The following BTBD9 variants were observed in gnomAD, a reference collection of about 807,000 sequenced individuals.
BTBD9 encodes BTB domain containing 9.
In BTBD9, 49 loss-of-function variants were observed where a neutral mutation model predicts 64.3. That is an observed-to-expected ratio of 0.76 (90% confidence interval 0.61 to 0.97). BTBD9 has a LOEUF of 0.97. Among genes scored for constraint, BTBD9 ranks in the 50% least tolerant of loss-of-function variants. The pLI, the probability that BTBD9 is intolerant of heterozygous loss-of-function variation, is 0.00. For missense variants in BTBD9, 598 were observed against 762.1 expected (o/e 0.78, Z 2.53); for synonymous variants, 260 against 274.7 (o/e 0.95, Z 0.53).
chr6:38,544,655 G>A lies in BTBD9; in HGVS notation c.1154+32945C>T, dbSNP rs151028310. 6.1e-3 allele frequency among the ~76,000 whole-genome samples: 927 copies of A among 152,116 alleles called. 8 individuals carry two copies. The highest frequency in any genetic ancestry group is 0.021 in the African/African-American group (864 of 41,494). On this transcript the variant is annotated intron_variant, in intron 6 of 10. Coordinates refer to ENST00000481247, the MANE Select transcript of BTBD9 (RefSeq NM_001099272.2). ...AGTGATGAGGGTGTGGGCCAGGCTC[G>A]GTGGCTTATGCCTATAATCCCAGCA...
chr6:38,592,834 G>A lies in BTBD9; in HGVS notation c.556C>T (p.Leu186Phe), dbSNP rs1009744637. ...EGFLSLSKTA[L>F]LNIVLRDSFA... ...GAGTCTCTTAACACGATGTTTAAAA[G>A]TGCTGTCTGAAAAGGATAAAAAGGT... is the stretch of plus-strand genomic sequence containing the variant. Residue 186 changes from leucine to phenylalanine, a missense_variant, in exon 4 of 11, where the codon CTT (leucine) becomes TTT (phenylalanine). Coordinates refer to ENST00000481247, the MANE Select transcript of BTBD9 (RefSeq NM_001099272.2). The A allele has an allele frequency of 5.6e-6, 9 of 1,613,702 alleles. No homozygotes were observed. The highest frequency in any genetic ancestry group is 4.2e-6 in the Non-Finnish European group (5 of 1,179,784).
At chr6:38,285,845 G>A (rs1474039864) in intron 8 of BTBD9, among the ~76,000 whole-genome samples, 1 of 152,108 alleles carries the variant, frequency 6.6e-6, no homozygotes, top group Non-Finnish European at 1.5e-5. Flanking sequence ...AGGCTATCAG[G>A]GGTGCCAGAA....
At chr6:38,443,006 T>TA (rs1554153127) in intron 6 of BTBD9, among the ~76,000 whole-genome samples, 18 of 151,978 alleles carry the variant, frequency 1.2e-4, no homozygotes, top group East Asian at 1.9e-4. Context: ...CAAGGATTTT[T>TA]TAAAAAAAAA....
At chr6:38,531,288 C>G (rs1773788184) in intron 6 of BTBD9, among the ~76,000 whole-genome samples, 2 of 152,142 alleles carry the variant, frequency 1.3e-5, no homozygotes, top group Admixed American at 1.3e-4. Flanking sequence ...AGTCGCATGA[C>G]ATATTTAAAG....
Position 38,170,157 on chromosome 6 carries a change from G to A in BTBD9, c.*4828C>T, listed in dbSNP as rs1766697356. Reference sequence around the variant, plus strand: ...AGGTTGGAGCATTATGCCAGGAACAGGTGTTCCCTGTACACTTTTTTAAGT... The same window carrying A: ...AGGTTGGAGCATTATGCCAGGAACAAGTGTTCCCTGTACACTTTTTTAAGT... On this transcript the variant is annotated 3_prime_UTR_variant, in exon 11 of 11. Transcript: ENST00000481247. 6.6e-6 allele frequency: 1 copy of A among 152,276 alleles called. No individual in the cohort carries two copies. Among genetic ancestry groups the A allele is most frequent in the Admixed American group, 6.5e-5 (1 of 15,292 alleles). The allele number at this position is 152,276 out of a possible 1,614,324, so 9.4% of individuals were successfully genotyped here.
chr6:38,632,595 TGAAAAA>T (rs942881298), intron 1 of BTBD9, among the ~76,000 whole-genome samples: 131 of 152,238 alleles, frequency 8.6e-4, no homozygotes, highest in African/African-American at 3.1e-3. Flanking sequence ...GAACTGTACT[TGAAAAA>T]GTACAGTTCC....
intron 6 of BTBD9, among the ~76,000 whole-genome samples, chr6:38,480,710 A>T (rs889788375): frequency 4.6e-5 from 7 of 152,194 alleles, no homozygotes; most frequent in African/African-American, 1.7e-4. Context: ...CCATCTGAAA[A>T]GAAGCCTGAC....
At chr6:38,295,808 G>A (rs1029228193) in intron 7 of BTBD9, among the ~76,000 whole-genome samples, 1 of 152,146 alleles carries the variant, frequency 6.6e-6, no homozygotes, top group African/African-American at 2.4e-5. Context: ...CAGCTCTTTG[G>A]GAGGCGGAGG....
At chr6:38,182,720 G>A (rs1761615561) in intron 10 of BTBD9, among the ~76,000 whole-genome samples, 1 of 152,208 alleles carries the variant, frequency 6.6e-6, no homozygotes, top group African/African-American at 2.4e-5. Flanking sequence ...ACACATCTGA[G>A]GGGACCCTCA....
At position 38,557,015 on chromosome 6, in the gene BTBD9, C is replaced by CA. The variant is rs397888418; in HGVS notation, c.1154+20584dup. 8.2e-3 allele frequency among the ~76,000 whole-genome samples: 127 copies of CA among 15,410 alleles called. 44 individuals are homozygous for CA. The highest frequency in any genetic ancestry group is 0.013 in the Admixed American group (9 of 712). The allele number at this position is 15,410 out of a possible 152,430, so 10.1% of individuals were successfully genotyped here. ...GGAACAGAGCGAGACTCCATCTCAC[C>CA]AAAAAAAAAAAAAAAAAAAAAAAAA... On this transcript the variant is annotated intron_variant, in intron 6 of 10. Coordinates refer to ENST00000481247, the MANE Select transcript of BTBD9 (RefSeq NM_001099272.2).
chr6:38,400,543 C>T lies in BTBD9; in HGVS notation c.1155-55450G>A, dbSNP rs370128617. 1.3e-4 allele frequency among the ~76,000 whole-genome samples: 20 copies of T among 152,236 alleles called. No individual in the cohort carries two copies. The South Asian group carries it at 3.3e-3, about 25-fold the overall frequency. The stretch of plus-strand genomic sequence containing the variant: ...TTCTCCCCAAAAGCCTTCTTTCCTC[C>T]GCCTTTTGTAACATCTTCCCTAGGT... On this transcript the variant is annotated intron_variant, in intron 6 of 10. Coordinates refer to ENST00000481247, the MANE Select transcript of BTBD9 (RefSeq NM_001099272.2).
intron 6 of BTBD9, among the ~76,000 whole-genome samples, chr6:38,450,126 C>A (rs746406774): frequency 6.6e-6 from 1 of 152,114 alleles, no homozygotes; most frequent in African/African-American, 2.4e-5. Context: ...TTGGATAAGT[C>A]TGAAGAACAT....
chr6:38,423,415 C>T lies in BTBD9; in HGVS notation c.1155-78322G>A, dbSNP rs1009829154. ...CGCCTCCCAGGCTTAAGTGATCCTC[C>T]CACCTAAGCCTCCCTCGAAACTGGG... On this transcript the variant is annotated intron_variant, in intron 6 of 10. Coordinates refer to ENST00000481247, the MANE Select transcript of BTBD9 (RefSeq NM_001099272.2). Among the ~76,000 whole-genome samples, 3 of 152,064 alleles carry T rather than the reference C, an allele frequency of 2.0e-5. No individual in the cohort carries two copies. The East Asian group carries it at 5.8e-4, about 29-fold the overall frequency.
At chr6:38,218,812 TC>T (rs1425029986) in intron 9 of BTBD9, among the ~76,000 whole-genome samples, 1 of 152,212 alleles carries the variant, frequency 6.6e-6, no homozygotes, top group East Asian at 1.9e-4. Context: ...TCCCAACTGA[TC>T]AACTGACTAT....
rs549207810 is a variant in BTBD9, at chr6:38,214,924, G to T, written c.1563-22327C>A. ...CCCTGAGGGTTTTGCAGAGCTGAAG[G>T]CAGATGCCAAAAAGTCAAAAATTGC... is the stretch of plus-strand genomic sequence containing the variant. On this transcript the variant is annotated intron_variant, in intron 9 of 10. Coordinates refer to ENST00000481247, the MANE Select transcript of BTBD9 (RefSeq NM_001099272.2). Among the ~76,000 whole-genome samples, 4 of 152,268 alleles carry T rather than the reference G, an allele frequency of 2.6e-5. No homozygotes were observed. The South Asian group carries it at 8.3e-4, about 32-fold the overall frequency.
At chr6:38,197,523 C>T (rs1412163955) in intron 9 of BTBD9, among the ~76,000 whole-genome samples, 1 of 152,166 alleles carries the variant, frequency 6.6e-6, no homozygotes, top group Non-Finnish European at 1.5e-5. Context: ...ATCATACACA[C>T]GAGTGGATCA....
At chr6:38,396,151 A>G (rs769540316) in intron 6 of BTBD9, among the ~76,000 whole-genome samples, 16 of 152,238 alleles carry the variant, frequency 1.1e-4, no homozygotes, top group Admixed American at 2.0e-4. Context: ...TAATGAAATG[A>G]TATTAGCCTT....
At chr6:38,367,992 G>A (rs1339729315) in intron 6 of BTBD9, among the ~76,000 whole-genome samples, 1 of 152,060 alleles carries the variant, frequency 6.6e-6, no homozygotes, top group Non-Finnish European at 1.5e-5. Context: ...TATAGCAATA[G>A]TGCCGTCAGC....
chr6:38,190,409 C>T (rs1023384134), intron 10 of BTBD9, among the ~76,000 whole-genome samples: 1 of 137,750 alleles, frequency 7.3e-6, no homozygotes, highest in Non-Finnish European at 1.5e-5. Context: ...GCAGAAGTTG[C>T]AGTGAGCTGA....
Sources: allele counts gnomAD v4.1 joint callset (sites outside exome capture counted in the v4.1 genomes callset), GRCh38; gene constraint gnomAD v4.1.1; transcripts MANE v1.5; gene names NCBI Gene and HGNC (gene_info 2026-07-23, HGNC 2026-07-21).